Variants in MECR observed in about 807,000 individuals in gnomAD.
MECR encodes mitochondrial trans-2-enoyl-CoA reductase.
A neutral mutation model predicts 49.1 loss-of-function variants in MECR; 37 were observed. The ratio of observed to expected loss-of-function variants is 0.75; its 90% confidence interval spans 0.58 to 0.99. The LOEUF is 0.99. Among genes scored for constraint, MECR ranks in the 50% least tolerant of loss-of-function variants. MECR has a pLI of 0.00. For missense variants in MECR, 470 were observed against 479.6 expected (o/e 0.98, Z 0.19); for synonymous variants, 198 against 191.1 (o/e 1.04, Z -0.30).
intron 4 of MECR, among the ~76,000 whole-genome samples, chr1:29,206,507 G>A (rs745588574): frequency 3.3e-5 from 5 of 152,176 alleles, no homozygotes; most frequent in Non-Finnish European, 7.3e-5. Context: ...CTGAATGACA[G>A]AATTCAATCC....
At chr1:29,197,466 A>T (rs1199005309) in intron 7 of MECR, among the ~76,000 whole-genome samples, 2 of 152,154 alleles carry the variant, frequency 1.3e-5, no homozygotes, top group Non-Finnish European at 2.9e-5. Context: ...GACATACAGG[A>T]TTGAGGCTAA....
intron 7 of MECR, among the ~76,000 whole-genome samples, chr1:29,197,873 G>A (rs897261187): frequency 6.6e-6 from 1 of 152,184 alleles, no homozygotes; most frequent in Admixed American, 6.5e-5. Context: ...TAACAACCTT[G>A]TTTTAGAGAT....
At chr1:29,210,645 G>A (rs1169949278) in intron 3 of MECR, among the ~76,000 whole-genome samples, 1 of 152,108 alleles carries the variant, frequency 6.6e-6, no homozygotes, top group African/African-American at 2.4e-5. Context: ...AGAGACTCTG[G>A]GTGGGAGGGA....
At chr1:29,173,129 GCTTTT>G in the MECR span, 2 of 129,012 alleles carry the variant, frequency 1.6e-5, no homozygotes, top group South Asian at 2.4e-4. Flanking sequence ...AGTCAAAAAG[GCTTTT>G]TTTTTTTTTT....
chr1:29,220,025 T>A (rs1295809185), intron 1 of MECR, among the ~76,000 whole-genome samples: 1 of 151,900 alleles, frequency 6.6e-6, no homozygotes, highest in African/African-American at 2.4e-5. Flanking sequence ...GGCAGAGAAG[T>A]TTTAGTCTTA....
the MECR span, chr1:29,181,770 T>C: frequency 1.9e-6 from 3 of 1,561,494 alleles, no homozygotes; most frequent in East Asian, 5.2e-5. Context: ...ACGGCAGTGA[T>C]GGCTGGCCCC....
the MECR span, among the ~76,000 whole-genome samples, chr1:29,179,548 AG>A: frequency 6.6e-6 from 1 of 152,234 alleles, no homozygotes; most frequent in African/African-American, 2.4e-5. Flanking sequence ...TTTTTCTTAG[AG>A]ATGGGGTCAG....
chr1:29,177,564 G>A, the MECR span, among the ~76,000 whole-genome samples: 2 of 152,172 alleles, frequency 1.3e-5, no homozygotes, highest in Non-Finnish European at 2.9e-5. Context: ...TTACAGGTGT[G>A]AGCCACCGTG....
rs543062125 is a variant in MECR, at chr1:29,230,613, G to C, written c.176+118C>G. ...CAAAAACGCCCTGGGCTTCGGCTTCGGTTTGCTATTCTCTGCCCCCTTCCT... is the reference window on the plus strand; with the variant it reads ...CAAAAACGCCCTGGGCTTCGGCTTCCGTTTGCTATTCTCTGCCCCCTTCCT... On this transcript the variant is annotated intron_variant, in intron 1 of 9. Transcript: ENST00000263702. 1.3e-4 allele frequency: 167 copies of C among 1,327,074 alleles called. 1 individual carries two copies. In the South Asian group the frequency reaches 2.2e-3, roughly 18 times the overall value. 82.2% of individuals were successfully genotyped at this position (1,327,074 alleles called of 1,614,324 possible).
Position 29,216,951 on chromosome 1 carries a change from A to C in MECR, c.177-266T>G, listed in dbSNP as rs538878389. On this transcript the variant is annotated intron_variant, in intron 1 of 9. Coordinates refer to ENST00000263702, the MANE Select transcript of MECR (RefSeq NM_016011.5). The stretch of plus-strand genomic sequence containing the variant: ...GGAGTTCAAGACCAGCCTGGCCAAC[A>C]TGGTGAAAACCTGTCTCTACTAAAA... 7.7e-6 allele frequency: 4 copies of C among 518,086 alleles called. No homozygotes were observed. The South Asian group carries it at 1.1e-4, about 15-fold the overall frequency. 32.1% of individuals were successfully genotyped at this position (518,086 alleles called of 1,614,324 possible).
rs146771733 is a variant in MECR at position 29,194,038 on chromosome 1, T to C, written c.1106A>G (p.Gln369Arg). The C allele has an allele frequency of 6.2e-7, 1 of 1,614,134 alleles. No homozygotes were observed. Among genetic ancestry groups the C allele is most frequent in the Admixed American group, 1.7e-5 (1 of 60,022 alleles). ...TTGGGATGATCACATGGTGAGAATC[T>C]GCTTTGAAGATATGAAGGGCTTCAT... ...ASMKPFISSK[Q>R]ILTM Residue 369 changes from glutamine to arginine, a missense_variant, in exon 10 of 10, where the codon CAG (glutamine) becomes CGG (arginine). By Grantham distance (43) the Gln-to-Arg change is conservative. Coordinates refer to ENST00000263702, the MANE Select transcript of MECR (RefSeq NM_016011.5).
At chr1:29,176,205 T>C in the MECR span, among the ~76,000 whole-genome samples, 1 of 152,044 alleles carries the variant, frequency 6.6e-6, no homozygotes, top group African/African-American at 2.4e-5. Context: ...TGAGCTGAGA[T>C]TGTACCACTG....
At position 29,206,777 on chromosome 1, in the gene MECR, C is replaced by T. The variant is rs144073611; in HGVS notation, c.535G>A (p.Glu179Lys). ...CTAYRMLMDFEQLQPGDSVIQ... is the reference protein window; with the variant it reads ...CTAYRMLMDFKQLQPGDSVIQ... ...GGGTTCCTACCTGGCTGCAGTTGCT[C>T]GAAGTCCATCAACATCCTGTAGGCT... Residue 179 changes from glutamate (E) to lysine (K), a missense_variant, in exon 4 of 10, where the codon GAG becomes AAG. By Grantham distance (56) the Glu-to-Lys change is moderately conservative. Coordinates refer to ENST00000263702, the MANE Select transcript of MECR (RefSeq NM_016011.5). 404 of 1,614,034 alleles carry T rather than the reference C, an allele frequency of 2.5e-4. 1 individual carries two copies. In the African/African-American group the frequency reaches 4.5e-3, roughly 18 times the overall value.
At chr1:29,219,020 C>G (rs1259220669) in intron 1 of MECR, among the ~76,000 whole-genome samples, 2 of 152,068 alleles carry the variant, frequency 1.3e-5, no homozygotes, top group East Asian at 3.9e-4. Flanking sequence ...GCAGTGTGAT[C>G]TAGAGAAGCC....
intron 1 of MECR, among the ~76,000 whole-genome samples, chr1:29,225,128 T>C (rs1407801408): frequency 6.6e-6 from 1 of 152,200 alleles, no homozygotes; most frequent in Non-Finnish European, 1.5e-5. Flanking sequence ...TGGAAGGTAA[T>C]GTATGAGTTA....
Position 29,230,903 on chromosome 1 carries a change from A to T in MECR, c.4T>A (p.Trp2Arg). 6.2e-7 allele frequency: 1 copy of T among 1,601,224 alleles called. No homozygotes were observed. M[W>R]VCSTLWRVRT... ...ACCCGCCACAGGGTACTGCAGACCC[A>T]CATGCTCGCTCCAACCAACACAGAG... Residue 2 changes from tryptophan (W) to arginine (R), a missense_variant, in exon 1 of 10, where the codon TGG (tryptophan) becomes AGG (arginine). Coordinates refer to ENST00000263702, the MANE Select transcript of MECR (RefSeq NM_016011.5).
intron 3 of MECR, among the ~76,000 whole-genome samples, chr1:29,214,858 C>T (rs1678975477): frequency 6.6e-6 from 1 of 152,190 alleles, no homozygotes; most frequent in Non-Finnish European, 1.5e-5. Flanking sequence ...TGCCCTGCTT[C>T]CCTCTTGTAG....
the MECR span, chr1:29,168,446 T>A: frequency 6.6e-6 from 1 of 152,136 alleles, no homozygotes; most frequent in Non-Finnish European, 1.5e-5. Flanking sequence ...AAAGTCAGGC[T>A]GTAGTAAAGG....
At chr1:29,175,007 GAA>G in the MECR span, among the ~76,000 whole-genome samples, 1 of 139,590 alleles carries the variant, frequency 7.2e-6, no homozygotes, top group South Asian at 2.2e-4. Flanking sequence ...AAAAAGAAAA[GAA>G]GAGAGACAGA....
Sources: gnomAD v4.1 joint callset for allele counts (sites outside exome capture counted in the v4.1 genomes callset) on GRCh38, gnomAD v4.1.1 for gene constraint, MANE v1.5 for transcripts, NCBI Gene and HGNC (gene_info 2026-07-23, HGNC 2026-07-21) for gene names.